Variants in GABRA5 observed in about 807,000 individuals in gnomAD.
The protein encoded by GABRA5 is gamma-aminobutyric acid receptor subunit alpha-5.
A neutral mutation model predicts 47.3 loss-of-function variants in GABRA5; 18 were observed. That is an observed-to-expected ratio of 0.38 (90% confidence interval 0.26 to 0.56). The LOEUF (loss-of-function observed/expected upper bound fraction) is 0.56, where lower values mean the gene tolerates loss of function less well. GABRA5 is among the 20% of genes least tolerant of loss of function. The probability of loss-of-function intolerance (pLI) is 0.71; values close to 1 mark genes in which losing one functional copy is unlikely to be tolerated. For synonymous variants in GABRA5, 237 were observed against 229.3 expected (o/e 1.03, Z -0.30); for missense variants, 365 against 599.3 (o/e 0.61, Z 4.08).
At chr15:26,877,471 C>T (rs932964773) in intron 3 of GABRA5, among the ~76,000 whole-genome samples, 4 of 152,162 alleles carry the variant, frequency 2.6e-5, no homozygotes, top group Non-Finnish European at 5.9e-5. Context: ...TTTAAGAAGA[C>T]AGATAAGCTG....
intron 7 of GABRA5, among the ~76,000 whole-genome samples, chr15:26,925,408 T>C (rs1893936599): frequency 6.6e-6 from 1 of 152,208 alleles, no homozygotes. Context: ...TTCCAATCTG[T>C]TCTTAAGCCT....
chr15:26,902,890 T>A (rs987762595), intron 6 of GABRA5, among the ~76,000 whole-genome samples: 5 of 152,170 alleles, frequency 3.3e-5, no homozygotes, highest in Non-Finnish European at 7.4e-5. Flanking sequence ...CTGCATCTAT[T>A]AATATGAACA....
intron 3 of GABRA5, among the ~76,000 whole-genome samples, chr15:26,878,001 G>C (rs1294446341): frequency 6.6e-6 from 1 of 152,218 alleles, no homozygotes; most frequent in African/African-American, 2.4e-5. Flanking sequence ...GAGCTCCTGG[G>C]CTGTACTCAG....
intron 6 of GABRA5, among the ~76,000 whole-genome samples, chr15:26,896,458 C>G (rs564817084): frequency 6.6e-6 from 1 of 152,278 alleles, no homozygotes; most frequent in African/African-American, 2.4e-5. Flanking sequence ...TTGGATATTA[C>G]TATGGGCTGA....
intron 6 of GABRA5, among the ~76,000 whole-genome samples, chr15:26,888,474 G>A (rs534325923): frequency 2.0e-5 from 3 of 152,290 alleles, no homozygotes; most frequent in South Asian, 4.1e-4. Flanking sequence ...GGCTGGAGAG[G>A]TTAGGGGAGC....
chr15:26,932,923 A>C (rs1237613586), intron 7 of GABRA5, among the ~76,000 whole-genome samples: 1 of 152,126 alleles, frequency 6.6e-6, no homozygotes, highest in Non-Finnish European at 1.5e-5. Flanking sequence ...AGGGTGGGGA[A>C]TAACACACAC....
intron 7 of GABRA5, among the ~76,000 whole-genome samples, chr15:26,919,099 C>T (rs1304499085): frequency 6.6e-6 from 1 of 152,146 alleles, no homozygotes; most frequent in Non-Finnish European, 1.5e-5. Flanking sequence ...GCCATATTTA[C>T]CCCACTGCAC....
chr15:26,926,764 G>A (rs1395802358), intron 7 of GABRA5, among the ~76,000 whole-genome samples: 1 of 152,118 alleles, frequency 6.6e-6, no homozygotes, highest in Non-Finnish European at 1.5e-5. Flanking sequence ...AAAGATGATT[G>A]TTTTTTTGAT....
intron 6 of GABRA5, among the ~76,000 whole-genome samples, chr15:26,889,416 T>C (rs763295244): frequency 3.9e-5 from 6 of 152,150 alleles, no homozygotes; most frequent in Non-Finnish European, 8.8e-5. Flanking sequence ...TTCTCTTTTC[T>C]AATGCAGTAT....
At chr15:26,934,206 C>T (rs530891552) in intron 7 of GABRA5, among the ~76,000 whole-genome samples, 4 of 142,378 alleles carry the variant, frequency 2.8e-5, no homozygotes, top group South Asian at 2.2e-4. Context: ...GAGCCAAGAT[C>T]GTGCCACTGC....
intron 10 of GABRA5, among the ~76,000 whole-genome samples, chr15:26,945,227 A>G (rs964252541): frequency 3.9e-5 from 6 of 152,320 alleles, no homozygotes; most frequent in Middle Eastern, 3.4e-3. Flanking sequence ...GCCATGGTGC[A>G]TCTGCAGGCA....
intron 7 of GABRA5, among the ~76,000 whole-genome samples, chr15:26,930,006 C>CTTTTTTTTTTTTTTTTTTTTT (rs72082419): frequency 1.8e-5 from 2 of 113,384 alleles, no homozygotes; most frequent in East Asian, 3.0e-4. Context: ...TCTTCTTCTT[C>CTTTTTTTTTTTTTTTTTTTTT]TTTTTTTTTT....
chr15:26,930,488 G>C (rs966866490), intron 7 of GABRA5, among the ~76,000 whole-genome samples: 3 of 152,242 alleles, frequency 2.0e-5, no homozygotes, highest in African/African-American at 4.8e-5. Flanking sequence ...ACACGAACAT[G>C]GTTCAGTCAA....
intron 6 of GABRA5, among the ~76,000 whole-genome samples, chr15:26,887,926 T>A (rs1892917947): frequency 1.3e-5 from 2 of 152,178 alleles, no homozygotes; most frequent in African/African-American, 4.8e-5. Context: ...TTCAAAACCC[T>A]CTCTTCTACC....
chr15:26,869,648 G>A (rs1892414471), intron 3 of GABRA5, among the ~76,000 whole-genome samples: 1 of 152,220 alleles, frequency 6.6e-6, no homozygotes, highest in African/African-American at 2.4e-5. Flanking sequence ...AGATTCAGGA[G>A]TTCACATGCA....
chr15:26,881,311 A>G (rs1422332274), intron 4 of GABRA5, among the ~76,000 whole-genome samples: 1 of 152,174 alleles, frequency 6.6e-6, no homozygotes, highest in East Asian at 1.9e-4. Flanking sequence ...AGGCGTTACT[A>G]AAGCTGAGAT....
chr15:26,872,975 C>A (rs764977421), intron 3 of GABRA5, among the ~76,000 whole-genome samples: 1 of 152,190 alleles, frequency 6.6e-6, no homozygotes, highest in Non-Finnish European at 1.5e-5. Flanking sequence ...GAGTCACCAG[C>A]AGCTCATTTG....
chr15:26,887,822 AGACT>A (rs1892915942), intron 6 of GABRA5, among the ~76,000 whole-genome samples: 1 of 152,226 alleles, frequency 6.6e-6, no homozygotes, highest in African/African-American at 2.4e-5. Flanking sequence ...GATGAAATAC[AGACT>A]GATACGTGTA....
chr15:26,905,585 C>T (rs907924048), intron 6 of GABRA5, among the ~76,000 whole-genome samples: 1 of 151,626 alleles, frequency 6.6e-6, no homozygotes, highest in Non-Finnish European at 1.5e-5. Context: ...TCTTCTTTTT[C>T]TCTTGTTCTG....
Sources: gnomAD v4.1 joint callset for allele counts (sites outside exome capture counted in the v4.1 genomes callset) on GRCh38, gnomAD v4.1.1 for gene constraint, MANE v1.5 for transcripts, NCBI Gene and HGNC (gene_info 2026-07-23, HGNC 2026-07-21) for gene names.